The following SAMD5 variants were observed in gnomAD, a reference collection of about 807,000 sequenced individuals.
SAMD5 encodes the protein sterile alpha motif domain-containing protein 5.
SAMD5 carries 13 observed loss-of-function variants against 11.3 expected under a neutral mutation model. The observed-to-expected ratio is 1.15, with a 90% CI of 0.75 to 1.83. The LOEUF is 1.83. Among genes scored for constraint, SAMD5 ranks in the 40% most tolerant of loss-of-function variants. The pLI, the probability that SAMD5 is intolerant of heterozygous loss-of-function variation, is 0.00. For missense variants in SAMD5, 255 were observed against 239.1 expected (o/e 1.07, Z -0.44); for synonymous variants, 129 against 111.3 (o/e 1.16, Z -1.00).
downstream of SAMD5, among the ~76,000 whole-genome samples, chr6:147,741,170 A>G (rs927184232): frequency 2.6e-5 from 4 of 152,124 alleles, no homozygotes; most frequent in African/African-American, 9.7e-5. Flanking sequence ...CTAGAGGTAA[A>G]GACATGAAAC....
At chr6:147,707,144 C>T (rs1027335452) in intron 1 of SAMD5, among the ~76,000 whole-genome samples, 1 of 152,164 alleles carries the variant, frequency 6.6e-6, no homozygotes, top group Non-Finnish European at 1.5e-5. Context: ...TTAGAAGGAA[C>T]ATTTTCCAGT....
the SAMD5 span, chr6:147,953,416 C>T: frequency 6.6e-6 from 1 of 152,040 alleles, no homozygotes; most frequent in Non-Finnish European, 1.5e-5. Flanking sequence ...ATAAAAGGAT[C>T]ATGAAATGTC....
chr6:147,604,489 G>A (rs1427409255), intron 1 of SAMD5, among the ~76,000 whole-genome samples: 2 of 152,188 alleles, frequency 1.3e-5, no homozygotes, highest in Non-Finnish European at 2.9e-5. Flanking sequence ...GTTCAAGAGA[G>A]GGAAAAACAT....
At chr6:147,732,859 CAG>C (rs1791738338) in intron 1 of SAMD5, among the ~76,000 whole-genome samples, 1 of 152,104 alleles carries the variant, frequency 6.6e-6, no homozygotes, top group South Asian at 2.1e-4. Flanking sequence ...AAATCAGACA[CAG>C]AGAAAAAATT....
the SAMD5 span, among the ~76,000 whole-genome samples, chr6:147,780,686 A>T: frequency 6.6e-6 from 1 of 152,210 alleles, no homozygotes; most frequent in African/African-American, 2.4e-5. Flanking sequence ...GGTTTAATTA[A>T]TATTTTTCTA....
chr6:147,655,340 G>A lies in SAMD5; in HGVS notation c.163-81977G>A, dbSNP rs148124159. Among the ~76,000 whole-genome samples, 1,175 of 152,118 alleles carry A rather than the reference G, an allele frequency of 7.7e-3. 7 individuals carry two copies. The highest frequency in any genetic ancestry group is 0.012 in the Non-Finnish European group (796 of 67,992). ...TGACTTTAGGTAAGTCACTTTACTG[G>A]TCCTCATTTTTGTCACATGTATGCC... On this transcript the variant is annotated intron_variant, in intron 1 of 1. Transcript: ENST00000566741.
At chr6:147,886,146 T>G in the SAMD5 span, among the ~76,000 whole-genome samples, 1 of 152,206 alleles carries the variant, frequency 6.6e-6, no homozygotes, top group African/African-American at 2.4e-5. Flanking sequence ...GACTCATTAT[T>G]GATACTTGAT....
chr6:147,563,023 T>C (rs951990792), intron 1 of SAMD5, among the ~76,000 whole-genome samples: 2 of 152,218 alleles, frequency 1.3e-5, no homozygotes, highest in African/African-American at 4.8e-5. Context: ...GGGTTGCATA[T>C]GGCTTTATTT....
chr6:147,918,907 G>A, the SAMD5 span, among the ~76,000 whole-genome samples: 3 of 151,990 alleles, frequency 2.0e-5, no homozygotes, highest in East Asian at 3.9e-4. Context: ...GGGTTTCACC[G>A]TGTTAGCCAG....
At chr6:147,808,878 ATGTT>A in the SAMD5 span, among the ~76,000 whole-genome samples, 1 of 152,174 alleles carries the variant, frequency 6.6e-6, no homozygotes, top group East Asian at 1.9e-4. Flanking sequence ...TCCTTTTAGA[ATGTT>A]TGTGGCCTAA....
chr6:147,779,206 A>G, the SAMD5 span, among the ~76,000 whole-genome samples: 1 of 152,094 alleles, frequency 6.6e-6, no homozygotes, highest in Non-Finnish European at 1.5e-5. Context: ...TTTTAATTTT[A>G]TAGAATCCAT....
At chr6:147,731,262 T>C (rs1390672350) in intron 1 of SAMD5, among the ~76,000 whole-genome samples, 1 of 152,184 alleles carries the variant, frequency 6.6e-6, no homozygotes, top group Non-Finnish European at 1.5e-5. Flanking sequence ...GATGTTTTTA[T>C]GATGACAGTG....
intron 1 of SAMD5, chr6:147,729,813 G>C (rs781335351): frequency 4.4e-6 from 2 of 457,144 alleles, no homozygotes; most frequent in South Asian, 3.1e-5. Flanking sequence ...GGCTGGGCGT[G>C]GCGACTCATG....
chr6:147,724,309 T>A (rs1408158496), intron 1 of SAMD5, among the ~76,000 whole-genome samples: 1 of 152,174 alleles, frequency 6.6e-6, no homozygotes, highest in Non-Finnish European at 1.5e-5. Context: ...ATACTTTTTA[T>A]TCTCTTGGCT....
chr6:147,834,738 C>T, the SAMD5 span, among the ~76,000 whole-genome samples: 1 of 152,178 alleles, frequency 6.6e-6, no homozygotes, highest in African/African-American at 2.4e-5. Context: ...GATATTCTAC[C>T]TGTATTTGAA....
At chr6:147,677,775 C>T (rs924225890) in intron 1 of SAMD5, among the ~76,000 whole-genome samples, 11 of 151,938 alleles carry the variant, frequency 7.2e-5, no homozygotes, top group Non-Finnish European at 1.5e-4. Flanking sequence ...GTGGTTGCAT[C>T]GTAGTTAGTA....
At chr6:147,923,068 AT>A in the SAMD5 span, among the ~76,000 whole-genome samples, 8 of 152,194 alleles carry the variant, frequency 5.3e-5, no homozygotes, top group Non-Finnish European at 8.8e-5. Context: ...ATAAAAAAAA[AT>A]TCCAACATGC....
the SAMD5 span, among the ~76,000 whole-genome samples, chr6:147,761,968 C>A: frequency 6.6e-6 from 1 of 152,256 alleles, no homozygotes; most frequent in Non-Finnish European, 1.5e-5. Flanking sequence ...CAGCCTCAGC[C>A]TTCCAAAGTC....
chr6:147,705,880 C>T (rs1407081109), intron 1 of SAMD5, among the ~76,000 whole-genome samples: 2 of 152,180 alleles, frequency 1.3e-5, no homozygotes, highest in African/African-American at 4.8e-5. Context: ...TGTTTGAGGA[C>T]AACACTATAG....
Sources: allele counts gnomAD v4.1 joint callset (sites outside exome capture counted in the v4.1 genomes callset), GRCh38; gene constraint gnomAD v4.1.1; transcripts MANE v1.5; gene names NCBI Gene and HGNC (gene_info 2026-07-23, HGNC 2026-07-21).